SLC16A7: variants seen among roughly 807,000 people sequenced by gnomAD.
SLC16A7 encodes monocarboxylate transporter 2.
A neutral mutation model predicts 34.9 loss-of-function variants in SLC16A7; 33 were observed. That is an observed-to-expected ratio of 0.94 (90% CI 0.72 to 1.26). The LOEUF (loss-of-function observed/expected upper bound fraction) is 1.26. Ranked by LOEUF, SLC16A7 falls within the 50% of genes most tolerant of loss-of-function variation. The pLI, the probability that SLC16A7 is intolerant of heterozygous loss-of-function variation, is 0.00. For synonymous variants in SLC16A7, 201 were observed against 206.6 expected (o/e 0.97, Z 0.23); for missense variants, 573 against 578.1 (o/e 0.99, Z 0.09).
Position 59,610,423 on chromosome 12 carries a change from CAG to C in SLC16A7, c.-130+14189_-130+14190del. Among the ~76,000 whole-genome samples the C allele has an allele frequency of 1.3e-5, 2 of 152,242 alleles. 1 individual carries two copies. The highest frequency in any genetic ancestry group is 2.9e-5 in the Non-Finnish European group (2 of 68,000). On this transcript the variant is annotated intron_variant, in intron 1 of 5. Coordinates refer to ENST00000547379, the MANE Select transcript of SLC16A7 (RefSeq NM_001270623.2). ...CTAGTATCAAGAAATCAAATAGACACAGATAATTATTGAATTAGGGTTACATT... is the reference window on the plus strand; with the variant it reads ...CTAGTATCAAGAAATCAAATAGACACATAATTATTGAATTAGGGTTACATT...
chr12:59,706,196 C>A (rs1873547404), intron 3 of SLC16A7, among the ~76,000 whole-genome samples: 1 of 152,140 alleles, frequency 6.6e-6, no homozygotes, highest in Non-Finnish European at 1.5e-5. Flanking sequence ...AAAGCCAGAT[C>A]TGGCCCAGGC....
Position 59,675,916 on chromosome 12 carries a change from G to T in SLC16A7, c.-31+20666G>T, listed in dbSNP as rs531797311. ...TTTTGCAGCTATTGCAAATTCCCCA[G>T]ATATATATATATATATAGCCAAATG... On this transcript the variant is annotated intron_variant, in intron 2 of 5. Transcript: ENST00000547379. 1.4e-4 allele frequency among the ~76,000 whole-genome samples: 21 copies of T among 147,996 alleles called. No individual in the cohort carries two copies. The South Asian group carries it at 3.6e-3, about 26-fold the overall frequency.
chr12:59,618,126 T>C (rs1879538105), intron 1 of SLC16A7, among the ~76,000 whole-genome samples: 1 of 151,926 alleles, frequency 6.6e-6, no homozygotes, highest in Admixed American at 6.6e-5. Flanking sequence ...GATATCTTTA[T>C]CCCAAATTAT....
At chr12:59,671,903 A>G (rs1484127463) in intron 2 of SLC16A7, among the ~76,000 whole-genome samples, 6 of 116,346 alleles carry the variant, frequency 5.2e-5, no homozygotes, top group Admixed American at 1.0e-4. Flanking sequence ...ATATGTATAT[A>G]TACATATATG....
chr12:59,729,092 A>G (rs1565677599), intron 3 of SLC16A7, among the ~76,000 whole-genome samples: 1 of 152,220 alleles, frequency 6.6e-6, no homozygotes. Flanking sequence ...TGTCATCTAT[A>G]TGATGTCACT....
chr12:59,744,953 T>C (rs541696021), intron 3 of SLC16A7, among the ~76,000 whole-genome samples: 32 of 152,300 alleles, frequency 2.1e-4, no homozygotes, highest in South Asian at 4.1e-4. Context: ...CCATGTACTC[T>C]AGATCCCCCC....
At chr12:59,648,988 A>G (rs1868296982) in intron 1 of SLC16A7, among the ~76,000 whole-genome samples, 1 of 152,192 alleles carries the variant, frequency 6.6e-6, no homozygotes, top group East Asian at 1.9e-4. Context: ...CCTAGTATTC[A>G]GAGTGATACA....
intron 1 of SLC16A7, among the ~76,000 whole-genome samples, chr12:59,645,992 T>G (rs1868248020): frequency 6.6e-6 from 1 of 152,064 alleles, no homozygotes; most frequent in Non-Finnish European, 1.5e-5. Context: ...AGGGAGAGGA[T>G]TTAGGGTATC....
chr12:59,770,475 T>C (rs570584406), intron 3 of SLC16A7, among the ~76,000 whole-genome samples: 1 of 152,146 alleles, frequency 6.6e-6, no homozygotes, highest in African/African-American at 2.4e-5. Context: ...CTGTCAAAAA[T>C]CAGGATTTAT....
chr12:59,778,142 G>A (rs1391999256), intron 5 of SLC16A7, among the ~76,000 whole-genome samples: 1 of 152,096 alleles, frequency 6.6e-6, no homozygotes, highest in Non-Finnish European at 1.5e-5. Flanking sequence ...GTATGCTGAT[G>A]TGGCAGCCCA....
At chr12:59,744,938 A>T (rs1352107699) in intron 3 of SLC16A7, among the ~76,000 whole-genome samples, 1 of 152,164 alleles carries the variant, frequency 6.6e-6, no homozygotes, top group African/African-American at 2.4e-5. Context: ...GGCTACATCC[A>T]GTGCCCATGT....
At chr12:59,599,286 G>T (rs1437871056) in intron 1 of SLC16A7, among the ~76,000 whole-genome samples, 1 of 152,140 alleles carries the variant, frequency 6.6e-6, no homozygotes, top group Non-Finnish European at 1.5e-5. Context: ...ACTGAATCTG[G>T]CAGGAAATCC....
intron 2 of SLC16A7, among the ~76,000 whole-genome samples, chr12:59,668,023 T>G (rs1380125427): frequency 6.6e-6 from 1 of 152,196 alleles, no homozygotes; most frequent in Non-Finnish European, 1.5e-5. Flanking sequence ...AGTCAAGAAT[T>G]GAGGTTTGAA....
At position 59,709,668 on chromosome 12, in the gene SLC16A7, A is replaced by T. The variant is rs115220927; in HGVS notation, c.217+4650A>T. 4.5e-3 allele frequency among the ~76,000 whole-genome samples: 687 copies of T among 151,760 alleles called. 25 individuals are homozygous for T. Among genetic ancestry groups the T allele is most frequent in the African/African-American group, 0.016 (663 of 41,050 alleles). ...TTATAAAAAGCAAAAAGTACCAGGT[A>T]CACTTTGACAGCCCTGTGCAAGTAG... On this transcript the variant is annotated intron_variant, in intron 3 of 5. Transcript: ENST00000547379.
intron 1 of SLC16A7, among the ~76,000 whole-genome samples, chr12:59,644,542 C>T (rs1880826535): frequency 6.6e-6 from 1 of 152,102 alleles, no homozygotes; most frequent in South Asian, 2.1e-4. Flanking sequence ...GCCTGGGCAA[C>T]AGAGTGAGAC....
intron 3 of SLC16A7, among the ~76,000 whole-genome samples, chr12:59,765,986 G>C (rs962933780): frequency 2.3e-4 from 35 of 152,060 alleles, no homozygotes; most frequent in Non-Finnish European, 3.4e-4. Context: ...TCTTCCATTT[G>C]TTTGTATCCT....
At chr12:59,634,094 G>A (rs182954159) in intron 1 of SLC16A7, among the ~76,000 whole-genome samples, 6 of 151,998 alleles carry the variant, frequency 3.9e-5, no homozygotes, top group Non-Finnish European at 8.8e-5. Flanking sequence ...TATCTTGTCC[G>A]TAGTCACATG....
chr12:59,775,057 T>C lies in SLC16A7; in HGVS notation c.762T>C (p.Asn254=), dbSNP rs755777449. 16 of 1,614,118 alleles carry C rather than the reference T, an allele frequency of 9.9e-6. No homozygotes were observed. In the Admixed American group the frequency reaches 2.7e-4, roughly 27 times the overall value. Residue 254 remains asparagine, a synonymous_variant, in exon 5 of 6, where the codon AAT becomes AAC. Transcript: ENST00000547379. The part of the protein sequence containing the change: ...HRGFLIYLSG[N]VIMFLGFFAP... ...GATTTCTGATATATCTGTCTGGAAA[T>C]GTCATTATGTTCCTAGGTTTTTTTG...
chr12:59,771,327 T>A lies in SLC16A7; in HGVS notation c.326T>A (p.Val109Glu). The A allele has an allele frequency of 6.2e-7, 1 of 1,612,020 alleles. No individual in the cohort carries two copies. The highest frequency in any genetic ancestry group is 8.5e-7 in the Non-Finnish European group (1 of 1,178,780). The change falls in exon 4 of 6, where the codon GTG (valine) becomes GAG (glutamate). Residue 109 changes from valine to glutamate, a missense_variant. Transcript: ENST00000547379. Reference protein sequence around the residue: ...GMVLASFSSSVVQLYLTMGFI... With the variant: ...GMVLASFSSSEVQLYLTMGFI... ...GTGTTGGCCTCCTTTAGTAGCAGCG[T>A]GGTACAGCTGTACCTCACTATGGGA...
Sources: gnomAD v4.1 joint callset for allele counts (sites outside exome capture counted in the v4.1 genomes callset) on GRCh38, gnomAD v4.1.1 for gene constraint, MANE v1.5 for transcripts, NCBI Gene and HGNC (gene_info 2026-07-23, HGNC 2026-07-21) for gene names.